DCLK1: variants seen among roughly 807,000 people sequenced by gnomAD.
DCLK1 encodes serine/threonine-protein kinase DCLK1.
DCLK1 carries 16 observed loss-of-function variants against 86.2 expected under a neutral mutation model. The ratio of observed to expected loss-of-function variants is 0.19; its 90% confidence interval spans 0.13 to 0.28. The LOEUF is 0.28. Ranked by LOEUF, DCLK1 falls within the 10% of genes least tolerant of loss-of-function variation. The pLI is 1.00. For synonymous variants in DCLK1, 369 were observed against 370.5 expected (o/e 1.00, Z 0.05); for missense variants, 590 against 940.2 (o/e 0.63, Z 4.87).
rs182925981 is a variant in DCLK1, at chr13:36,001,171, C to A, written c.724-53714G>T. Among the ~76,000 whole-genome samples the A allele has an allele frequency of 2.6e-3, 398 of 152,266 alleles. 3 individuals are homozygous for A. The highest frequency in any genetic ancestry group is 8.8e-3 in the African/African-American group (366 of 41,562). On this transcript the variant is annotated intron_variant, in intron 3 of 16. Transcript: ENST00000360631. ...ACATGTTGGTCAGGCTGGTCTTGAT[C>A]TCCTGATCTCAGGTGATCCACCCAC...
intron 6 of DCLK1, chr13:35,850,106 T>C: frequency 1.0e-6 from 1 of 985,084 alleles, no homozygotes; most frequent in Non-Finnish European, 1.2e-6. Context: ...GATGTGTCGT[T>C]GTCATAATTT....
At chr13:36,076,981 G>GC (rs1443873012) in intron 3 of DCLK1, among the ~76,000 whole-genome samples, 1 of 152,104 alleles carries the variant, frequency 6.6e-6, no homozygotes, top group Non-Finnish European at 1.5e-5. Context: ...ATATGATAAT[G>GC]CCCCCAGTGG....
At chr13:35,789,418 A>T (rs2153098970) in intron 16 of DCLK1, among the ~76,000 whole-genome samples, 1 of 152,344 alleles carries the variant, frequency 6.6e-6, no homozygotes, top group East Asian at 1.9e-4. Flanking sequence ...GTTTCATTTT[A>T]TTGAGAAAAA....
intron 4 of DCLK1, among the ~76,000 whole-genome samples, chr13:35,932,468 C>T (rs1333703562): frequency 1.3e-5 from 2 of 152,156 alleles, no homozygotes; most frequent in East Asian, 1.9e-4. Flanking sequence ...TAAAGATATA[C>T]GTGAGACTGG....
rs557102996 is a variant in DCLK1, at chr13:35,985,611, C to A, written c.724-38154G>T. ...TCTCTAGGCACTAGTAAAGGGTAAC[C>A]TGATGTCATCTCATTTTTGATGTTA... On this transcript the variant is annotated intron_variant, in intron 3 of 16. Transcript: ENST00000360631. 2.0e-5 allele frequency among the ~76,000 whole-genome samples: 3 copies of A among 152,252 alleles called. No homozygotes were observed. The East Asian group carries it at 5.8e-4, about 29-fold the overall frequency.
At chr13:35,801,569 G>T (rs572864890) in intron 15 of DCLK1, among the ~76,000 whole-genome samples, 1 of 151,776 alleles carries the variant, frequency 6.6e-6, no homozygotes, top group African/African-American at 2.4e-5. Flanking sequence ...TTTAGAAAAT[G>T]CCTGTAGGAA....
chr13:35,856,284 A>C (rs1239825309), intron 5 of DCLK1, among the ~76,000 whole-genome samples: 7 of 152,134 alleles, frequency 4.6e-5, no homozygotes, highest in Non-Finnish European at 1.0e-4. Flanking sequence ...GGACCTCATC[A>C]CATTAGACTT....
At chr13:36,030,509 G>A (rs1190515402) in intron 3 of DCLK1, among the ~76,000 whole-genome samples, 3 of 136,276 alleles carry the variant, frequency 2.2e-5, no homozygotes, top group South Asian at 2.3e-4. Context: ...ATTTCATCAC[G>A]TTGGCCAGGC....
At chr13:35,953,437 T>C (rs1252718995) in intron 3 of DCLK1, among the ~76,000 whole-genome samples, 1 of 152,178 alleles carries the variant, frequency 6.6e-6, no homozygotes, top group Non-Finnish European at 1.5e-5. Flanking sequence ...AAACGGTGTC[T>C]AATAAACCCC....
intron 3 of DCLK1, among the ~76,000 whole-genome samples, chr13:36,107,570 C>T (rs1885443762): frequency 1.3e-5 from 2 of 151,928 alleles, no homozygotes. Flanking sequence ...TAGGGATGTG[C>T]ATTTATTTTC....
intron 3 of DCLK1, among the ~76,000 whole-genome samples, chr13:36,017,080 A>G (rs1472505743): frequency 2.0e-5 from 3 of 152,220 alleles, no homozygotes; most frequent in Non-Finnish European, 4.4e-5. Context: ...GCAGTTTGAT[A>G]AAATAACACA....
chr13:35,768,839 G>T lies in DCLK1; in HGVS notation c.*5696C>A. Reference sequence around the variant, plus strand: ...ACTAATTTTTAAAGCCTTGCATAGAGAGAATTCCCCCTAAGAACACAGCTG... The same window carrying T: ...ACTAATTTTTAAAGCCTTGCATAGATAGAATTCCCCCTAAGAACACAGCTG... On this transcript the variant is annotated 3_prime_UTR_variant, in exon 17 of 17. Coordinates refer to ENST00000360631, the MANE Select transcript of DCLK1 (RefSeq NM_001330071.2). 6.6e-6 allele frequency: 1 copy of T among 152,326 alleles called. No individual in the cohort carries two copies. The allele number at this position is 152,326 out of a possible 1,614,324, so 9.4% of individuals were successfully genotyped here.
intron 4 of DCLK1, among the ~76,000 whole-genome samples, chr13:35,945,432 G>A (rs1395429202): frequency 6.6e-6 from 1 of 152,096 alleles, no homozygotes; most frequent in African/African-American, 2.4e-5. Flanking sequence ...CAGGGAGAAG[G>A]GGCCCCAAGT....
intron 4 of DCLK1, among the ~76,000 whole-genome samples, chr13:35,915,529 C>G (rs766001208): frequency 1.3e-5 from 2 of 152,130 alleles, no homozygotes; most frequent in Non-Finnish European, 2.9e-5. Context: ...AGCAAGATCT[C>G]TTCTCTACTA....
chr13:35,904,128 T>C (rs929611572), intron 4 of DCLK1, among the ~76,000 whole-genome samples: 3 of 152,092 alleles, frequency 2.0e-5, no homozygotes. Flanking sequence ...CTAAACCAAA[T>C]ATTAAAACAG....
At chr13:35,923,324 A>G (rs781698648) in intron 4 of DCLK1, among the ~76,000 whole-genome samples, 3 of 151,404 alleles carry the variant, frequency 2.0e-5, no homozygotes, top group Non-Finnish European at 4.4e-5. Flanking sequence ...GGAGAGCTTG[A>G]CTTCCAACCC....
chr13:35,956,345 CTT>C (rs1368260839), intron 3 of DCLK1, among the ~76,000 whole-genome samples: 2 of 152,106 alleles, frequency 1.3e-5, no homozygotes, highest in African/African-American at 4.8e-5. Flanking sequence ...GAGAGGCAAA[CTT>C]ATATTCTATT....
At chr13:35,902,176 C>T (rs578155005) in intron 4 of DCLK1, among the ~76,000 whole-genome samples, 6 of 152,100 alleles carry the variant, frequency 3.9e-5, no homozygotes, top group Non-Finnish European at 8.8e-5. Context: ...GAAACTAAAG[C>T]CGAGTAAGGT....
At chr13:35,827,055 C>G (rs188243266) in intron 10 of DCLK1, among the ~76,000 whole-genome samples, 67 of 152,232 alleles carry the variant, frequency 4.4e-4, no homozygotes, top group Non-Finnish European at 6.8e-4. Context: ...TCCATTCAAC[C>G]GTCATCAACA....
Sources: allele counts gnomAD v4.1 joint callset (sites outside exome capture counted in the v4.1 genomes callset), GRCh38; gene constraint gnomAD v4.1.1; transcripts MANE v1.5; gene names NCBI Gene and HGNC (gene_info 2026-07-23, HGNC 2026-07-21).